Variants in BSX observed in about 807,000 individuals in gnomAD.
BSX encodes brain-specific homeobox protein homolog.
In BSX, 12 loss-of-function variants were observed where a neutral mutation model predicts 16.9. The ratio of observed to expected loss-of-function variants is 0.71; its 90% CI spans 0.46 to 1.15. The LOEUF (loss-of-function observed/expected upper bound fraction) is 1.15. Ranked by LOEUF, BSX falls within the 50% of genes most tolerant of loss-of-function variation. The probability of loss-of-function intolerance (pLI) is 0.00; values close to 1 mark genes in which losing one functional copy is unlikely to be tolerated. For missense variants in BSX, 292 were observed against 311.8 expected (o/e 0.94, Z 0.48); for synonymous variants, 160 against 136.4 (o/e 1.17, Z -1.20).
intron 2 of BSX, among the ~76,000 whole-genome samples, chr11:122,978,276 G>A (rs924641003): frequency 6.6e-6 from 1 of 152,158 alleles, no homozygotes; most frequent in African/African-American, 2.4e-5. Flanking sequence ...CGTTCTCATC[G>A]GAGAGAAAAT....
chr11:122,979,632 A>G (rs1241256223), intron 1 of BSX, among the ~76,000 whole-genome samples, 175 bp from the exon 2 acceptor site: 1 of 127,238 alleles, frequency 7.9e-6, no homozygotes, highest in Non-Finnish European at 1.6e-5. Context: ...GCAGAGGAAG[A>G]AAAAAAAAAA....
chr11:122,981,443 C>A lies in BSX; in HGVS notation c.229G>T (p.Asp77Tyr). The A allele has an allele frequency of 6.4e-7, 1 of 1,554,324 alleles. No homozygotes were observed. The highest frequency in any genetic ancestry group is 8.7e-7 in the Non-Finnish European group (1 of 1,146,440). ...GTGAGGAAATAAGGATGATGGTGGT[C>A]TCCCTTATGCAGAGGGTGATGGGCG... ...PHAHHPLHKGDHHHPYFLTTS... is the reference protein window; with the variant it reads ...PHAHHPLHKGYHHHPYFLTTS... The change falls in exon 1 of 3, where the codon GAC becomes TAC. Residue 77 changes from aspartate (D) to tyrosine (Y), a missense_variant. Transcript: ENST00000343035.
chr11:122,979,530 C>G, intron 1 of BSX, 73 bp from the exon 2 acceptor site: 2 of 1,363,990 alleles, frequency 1.5e-6, no homozygotes, highest in Non-Finnish European at 2.0e-6. Context: ...GCTCCCCTCC[C>G]CTCCCCTAGC....
At chr11:122,978,042 G>C in intron 2 of BSX, 151 bp from the exon 3 acceptor site, 1 of 911,356 alleles carries the variant, frequency 1.1e-6, no homozygotes, top group East Asian at 2.5e-5. Flanking sequence ...TAAGCCGAAT[G>C]AGAATCGAAC....
Position 122,981,447 on chromosome 11 carries a change from C to A in BSX, c.225G>T (p.Lys75Asn). The change falls in exon 1 of 3, where the codon AAG becomes AAT. Residue 75 changes from lysine to asparagine, a missense_variant. Lys to Asn is a moderately conservative substitution (Grantham distance 94, BLOSUM62 0). This residue lies in a region of BSX where 176 missense variants were observed against 187.2 expected (regional missense o/e 0.94). Coordinates refer to ENST00000343035, the MANE Select transcript of BSX (RefSeq NM_001098169.2). ...GGAAATAAGGATGATGGTGGTCTCCCTTATGCAGAGGGTGATGGGCGTGAG... is the reference window on the plus strand; with the variant it reads ...GGAAATAAGGATGATGGTGGTCTCCATTATGCAGAGGGTGATGGGCGTGAG... ...LAPHAHHPLHKGDHHHPYFLT... is the reference protein window; with the variant it reads ...LAPHAHHPLHNGDHHHPYFLT... 6.4e-7 allele frequency: 1 copy of A among 1,567,956 alleles called. No individual in the cohort carries two copies. The highest frequency in any genetic ancestry group is 8.7e-7 in the Non-Finnish European group (1 of 1,155,652).
At chr11:122,979,678 G>C (rs1275775636) in intron 1 of BSX, among the ~76,000 whole-genome samples, 3 of 150,260 alleles carry the variant, frequency 2.0e-5, no homozygotes, top group African/African-American at 7.3e-5. Flanking sequence ...TCTTTATCTG[G>C]AAAGTCATCT....
Position 122,980,899 on chromosome 11 carries a change from A to G in BSX, c.262+511T>C, listed in dbSNP as rs1029532270. On this transcript the variant is annotated intron_variant, in intron 1 of 2. Coordinates refer to ENST00000343035, the MANE Select transcript of BSX (RefSeq NM_001098169.2). The stretch of plus-strand genomic sequence containing the variant: ...TTCTGTCTTATTCAGGCTAGCCCAA[A>G]CCTTCATTCACTTCTATGCCCCCAG... Among the ~76,000 whole-genome samples the G allele has an allele frequency of 2.6e-5, 4 of 152,118 alleles. No individual in the cohort carries two copies. In the South Asian group the frequency reaches 8.3e-4, roughly 32 times the overall value.
chr11:122,978,040 A>G, intron 2 of BSX, 149 bp from the exon 3 acceptor site: 1 of 915,300 alleles, frequency 1.1e-6, no homozygotes, highest in South Asian at 1.5e-5. Context: ...CTTAAGCCGA[A>G]TGAGAATCGA....
intron 2 of BSX, among the ~76,000 whole-genome samples, 171 bp from the exon 3 acceptor site, chr11:122,978,062 C>G (rs536196653): frequency 1.3e-5 from 2 of 152,324 alleles, no homozygotes; most frequent in Admixed American, 1.3e-4. Flanking sequence ...CAGTCTGAGG[C>G]TTTCAGGAGT....
In BSX at chr11:122,981,767, C is replaced by G. The variant is rs1864576757; in HGVS notation, c.-96G>C. On this transcript the variant is annotated 5_prime_UTR_variant, in exon 1 of 3. Transcript: ENST00000343035. ...TGCTCGAAAGCCGGCAACCACCCTC[C>G]GAGGCTCGAATCTCCGCTGCTCTCT... 3 of 1,296,240 alleles carry G rather than the reference C, an allele frequency of 2.3e-6. No homozygotes were observed. Among genetic ancestry groups the G allele is most frequent in the South Asian group, 1.5e-5 (1 of 66,808 alleles). The allele number at this position is 1,296,240 out of a possible 1,614,324, so 80.3% of individuals were successfully genotyped here.
chr11:122,981,695 G>A lies in BSX; in HGVS notation c.-24C>T. ...ATCTTGAGCGGAGCACCTGCCACAG[G>A]ACAAGGGCCGGGACGAAGTGGAGGA... On this transcript the variant is annotated 5_prime_UTR_variant, in exon 1 of 3. Coordinates refer to ENST00000343035, the MANE Select transcript of BSX (RefSeq NM_001098169.2). The A allele has an allele frequency of 6.4e-7, 1 of 1,567,658 alleles. No homozygotes were observed. The highest frequency in any genetic ancestry group is 1.2e-5 in the South Asian group (1 of 83,608).
intron 1 of BSX, among the ~76,000 whole-genome samples, chr11:122,979,866 C>T (rs1011402422): frequency 6.6e-6 from 1 of 152,092 alleles, no homozygotes; most frequent in African/African-American, 2.4e-5. Context: ...AGTCCTGTCC[C>T]CAGCCCCCAC....
Position 122,981,606 on chromosome 11 carries a change from G to T in BSX, c.66C>A (p.Ile22=), listed in dbSNP as rs562185738. 4.4e-6 allele frequency: 7 copies of T among 1,598,144 alleles called. No individual in the cohort carries two copies. Among genetic ancestry groups the T allele is most frequent in the Admixed American group, 1.7e-5 (1 of 57,540 alleles). Reference sequence around the variant, plus strand: ...TGGGCTTGTGCAGCAGGATGTCCTCGATGAAGAAGGATGTGGGCCTCTGAG... The same window carrying T: ...TGGGCTTGTGCAGCAGGATGTCCTCTATGAAGAAGGATGTGGGCCTCTGAG... ...ASSQRPTSFF[I]EDILLHKPKP... is the part of the protein sequence containing the mutation. Residue 22 remains isoleucine, a synonymous_variant, in exon 1 of 3, where the codon ATC becomes ATA. Transcript: ENST00000343035.
chr11:122,978,418 T>C (rs1466467626), intron 2 of BSX, among the ~76,000 whole-genome samples: 1 of 152,136 alleles, frequency 6.6e-6, no homozygotes, highest in Non-Finnish European at 1.5e-5. Context: ...ATAAAAACCT[T>C]TCTTCCACTC....
At chr11:122,979,500 C>T (rs752856270) in intron 1 of BSX, 43 bp from the exon 2 acceptor site, 1 of 1,552,082 alleles carries the variant, frequency 6.4e-7, no homozygotes, top group South Asian at 1.2e-5. Flanking sequence ...CGTGGGTCGC[C>T]GGAGAGCAAT....
chr11:122,979,178 C>A, intron 2 of BSX, 83 bp downstream of exon 2: 1 of 1,302,094 alleles, frequency 7.7e-7, no homozygotes, highest in Admixed American at 2.3e-5. Context: ...TCTACTCGAA[C>A]TCCACAAGGT....
At chr11:122,981,030 G>A (rs928179826) in intron 1 of BSX, among the ~76,000 whole-genome samples, 3 of 152,184 alleles carry the variant, frequency 2.0e-5, no homozygotes, top group East Asian at 3.9e-4. Context: ...GGATGGTCAA[G>A]GGTCTCCCTC....
rs1222330297 is a variant in BSX, at chr11:122,977,710, G to A, written c.641C>T (p.Pro214Leu). Reference sequence around the variant, plus strand: ...GTCTCCAATGTCCACCTCGTCCTCTGGCTCGGTCAGCACGAAGGGACCGGC... The same window carrying A: ...GTCTCCAATGTCCACCTCGTCCTCTAGCTCGGTCAGCACGAAGGGACCGGC... ...LPAGPFVLTE[P>L]EDEVDIGDEG... Residue 214 changes from proline (P) to leucine (L), a missense_variant, in exon 3 of 3, where the codon CCA becomes CTA. Coordinates refer to ENST00000343035, the MANE Select transcript of BSX (RefSeq NM_001098169.2). The surrounding 1 kb of genome is among the most constrained non-coding windows in gnomAD (Gnocchi z 4.5). The A allele has an allele frequency of 1.9e-6, 3 of 1,612,888 alleles. No individual in the cohort carries two copies. The highest frequency in any genetic ancestry group is 2.7e-5 in the African/African-American group (2 of 74,910).
At chr11:122,978,018 A>G in intron 2 of BSX, 127 bp from the exon 3 acceptor site, 2 of 1,125,338 alleles carry the variant, frequency 1.8e-6, no homozygotes, top group East Asian at 2.4e-5. Context: ...TCAACTGCTC[A>G]TAAGTTATCG....
Sources: allele counts gnomAD v4.1 joint callset (sites outside exome capture counted in the v4.1 genomes callset), GRCh38; gene constraint gnomAD v4.1.1; regional missense constraint gnomAD v4.1.1; non-coding constraint Gnocchi (gnomAD v3.1); transcripts MANE v1.5; gene names NCBI Gene and HGNC (gene_info 2026-07-23, HGNC 2026-07-21).